The following PSMD14 variants were observed in gnomAD, a reference collection of about 807,000 sequenced individuals.
The protein encoded by PSMD14 is proteasome 26S subunit, non-ATPase 14.
PSMD14 carries 7 observed loss-of-function variants against 41.2 expected under a neutral mutation model. The observed-to-expected ratio is 0.17, with a 90% CI of 0.10 to 0.32. The LOEUF (loss-of-function observed/expected upper bound fraction) is 0.32. Ranked by LOEUF, PSMD14 falls within the 10% of genes least tolerant of loss-of-function variation. PSMD14 has a pLI of 1.00. For missense variants in PSMD14, 139 were observed against 375.6 expected (o/e 0.37, Z 5.21); for synonymous variants, 114 against 122.3 (o/e 0.93, Z 0.45).
intron 6 of PSMD14, 118 bp downstream of exon 6, chr2:161,370,295 A>G (rs1376187503): frequency 2.6e-6 from 2 of 767,176 alleles, no homozygotes; most frequent in Admixed American, 3.2e-5. Flanking sequence ...TAATTGACAT[A>G]AAAGTATCTG....
intron 8 of PSMD14, among the ~76,000 whole-genome samples, chr2:161,389,899 T>TTG: frequency 9.1e-6 from 1 of 110,466 alleles, no homozygotes; most frequent in African/African-American, 3.4e-5. Context: ...GTTTTTTTTT[T>TTG]TTTTTTTTTT....
At chr2:161,371,993 T>G (rs575883954) in intron 7 of PSMD14, among the ~76,000 whole-genome samples, 1 of 151,908 alleles carries the variant, frequency 6.6e-6, no homozygotes, top group Admixed American at 6.6e-5. Flanking sequence ...TCTTTCTTTC[T>G]AGCCCCATAT....
intron 11 of PSMD14, among the ~76,000 whole-genome samples, chr2:161,410,284 T>A (rs1265390485): frequency 1.3e-5 from 2 of 152,002 alleles, no homozygotes; most frequent in African/African-American, 4.8e-5. Flanking sequence ...CACTTAATTA[T>A]TTGTAACATG....
Position 161,323,197 on chromosome 2 carries a change from AG to A in PSMD14, c.48+4325del, listed in dbSNP as rs527908353. Among the ~76,000 whole-genome samples the A allele has an allele frequency of 2.6e-3, 403 of 152,318 alleles. 5 individuals are homozygous for A. Among genetic ancestry groups the A allele is most frequent in the African/African-American group, 9.2e-3 (381 of 41,572 alleles). On this transcript the variant is annotated intron_variant, in intron 3 of 11. Transcript: ENST00000409682. Reference sequence around the variant, plus strand: ...TGTACTGGAATTTTTTAAACTGCCAAGTCTATTGGCCTATTTTTAGTTCTCT... The same window carrying A: ...TGTACTGGAATTTTTTAAACTGCCAATCTATTGGCCTATTTTTAGTTCTCT...
intron 3 of PSMD14, among the ~76,000 whole-genome samples, chr2:161,326,443 G>A (rs62197078): frequency 0.068 from 10,351 of 152,164 alleles, 486 homozygotes; most frequent in East Asian, 0.18. Flanking sequence ...TAGAACTCTT[G>A]TACATTGATG....
chr2:161,327,981 T>TGTGTGTGTGTGTGTGTGTGTGA (rs1268803464), intron 3 of PSMD14, among the ~76,000 whole-genome samples: 53 of 149,018 alleles, frequency 3.6e-4, no homozygotes, highest in African/African-American at 1.3e-3. Flanking sequence ...TGTGTGTGTG[T>TGTGTGTGTGTGTGTGTGTGTGA]GTGAGATGTT....
chr2:161,384,604 G>A (rs555865682), intron 7 of PSMD14: 1 of 151,792 alleles, frequency 6.6e-6, no homozygotes, highest in Admixed American at 6.6e-5. Flanking sequence ...AATCTATTGA[G>A]TTAAATTCCC....
chr2:161,367,665 G>A (rs1683377347), intron 4 of PSMD14, 116 bp downstream of exon 4: 4 of 1,403,372 alleles, frequency 2.9e-6, no homozygotes. Context: ...ATTGTTTTAG[G>A]TACATTTATA....
chr2:161,391,206 G>A (rs1574139610), intron 9 of PSMD14, 28 bp downstream of exon 9: 1 of 1,477,712 alleles, frequency 6.8e-7, no homozygotes, highest in Non-Finnish European at 9.0e-7. Context: ...TCTTATAGGA[G>A]GAAAAAAATC....
intron 10 of PSMD14, among the ~76,000 whole-genome samples, chr2:161,402,517 C>T (rs1442368296): frequency 5.3e-5 from 8 of 151,720 alleles, no homozygotes; most frequent in Admixed American, 1.3e-4. Flanking sequence ...GGCATGCACC[C>T]GTGGTCCCAG....
chr2:161,343,317 A>G (rs114974659), intron 3 of PSMD14, among the ~76,000 whole-genome samples: 3,229 of 152,306 alleles, frequency 0.021, 51 homozygotes, highest in Middle Eastern at 0.034. Flanking sequence ...GAATCATTCA[A>G]TATTTGTCAT....
intron 10 of PSMD14, among the ~76,000 whole-genome samples, chr2:161,397,465 A>G (rs897478150): frequency 2.6e-5 from 4 of 152,110 alleles, no homozygotes; most frequent in African/African-American, 9.7e-5. Context: ...AGGTAGAAGT[A>G]GAAGGATTGA....
intron 3 of PSMD14, among the ~76,000 whole-genome samples, chr2:161,321,433 T>A (rs1682596450): frequency 6.6e-6 from 1 of 152,036 alleles, no homozygotes; most frequent in African/African-American, 2.4e-5. Flanking sequence ...CAAGACATAT[T>A]TTTTTTTATA....
At chr2:161,335,138 T>C (rs1682850416) in intron 3 of PSMD14, among the ~76,000 whole-genome samples, 1 of 152,198 alleles carries the variant, frequency 6.6e-6, no homozygotes, top group Admixed American at 6.5e-5. Context: ...AATAGTTATT[T>C]TTAAATAGGT....
chr2:161,384,098 CT>C (rs1245771091), intron 7 of PSMD14: 1 of 151,502 alleles, frequency 6.6e-6, no homozygotes, highest in African/African-American at 2.4e-5. Flanking sequence ...TTTTCACAAA[CT>C]ATTAATTCAT....
intron 10 of PSMD14, chr2:161,408,200 A>C (rs1683978880): frequency 1.3e-5 from 2 of 152,094 alleles, no homozygotes; most frequent in African/African-American, 2.4e-5. Context: ...ACTTCAAATG[A>C]CAATTTCTTC....
intron 9 of PSMD14, among the ~76,000 whole-genome samples, chr2:161,391,837 GATCCTCT>G (rs1439283751): frequency 6.6e-6 from 1 of 152,068 alleles, no homozygotes; most frequent in Admixed American, 6.6e-5. Flanking sequence ...GTGCTCAAGT[GATCCTCT>G]CACCTCAGCC....
At chr2:161,335,777 T>C (rs6744214) in intron 3 of PSMD14, among the ~76,000 whole-genome samples, 102,956 of 152,100 alleles carry the variant, frequency 0.68, 35,081 homozygotes, top group Admixed American at 0.72. Flanking sequence ...TAGCCTGATA[T>C]GGTAGAAAGA....
At chr2:161,344,757 A>G (rs574106230) in intron 3 of PSMD14, among the ~76,000 whole-genome samples, 2 of 152,278 alleles carry the variant, frequency 1.3e-5, no homozygotes, top group East Asian at 3.9e-4. Flanking sequence ...TTTTCTTTTT[A>G]TCATTGAGTC....
Sources: allele counts gnomAD v4.1 joint callset (sites outside exome capture counted in the v4.1 genomes callset), GRCh38; gene constraint gnomAD v4.1.1; transcripts MANE v1.5; gene names NCBI Gene and HGNC (gene_info 2026-07-23, HGNC 2026-07-21).